TAFA1: variants seen among roughly 807,000 people sequenced by gnomAD.
TAFA1 encodes TAFA chemokine like family member 1, also known as chemokine-like protein TAFA-1.
In TAFA1, 4 loss-of-function variants were observed where a neutral mutation model predicts 18.5. The observed-to-expected ratio is 0.22, with a 90% CI of 0.11 to 0.49. The LOEUF is 0.49. TAFA1 is among the 20% of genes least tolerant of loss of function. The probability of loss-of-function intolerance (pLI) is 0.98; values close to 1 mark genes in which losing one functional copy is unlikely to be tolerated. For synonymous variants in TAFA1, 56 were observed against 55.2 expected, an observed-to-expected ratio of 1.01 and a Z score of -0.06; for missense variants, 147 against 169.0, an observed-to-expected ratio of 0.87 and a Z score of 0.72.
intron 3 of TAFA1, among the ~76,000 whole-genome samples, chr3:68,538,471 G>T (rs551690840): frequency 6.6e-6 from 1 of 152,292 alleles, no homozygotes; most frequent in East Asian, 1.9e-4. Flanking sequence ...AAGCAAGATG[G>T]AGTCAGCTAT....
chr3:68,159,285 C>T (rs1425972693), intron 2 of TAFA1, among the ~76,000 whole-genome samples: 1 of 152,032 alleles, frequency 6.6e-6, no homozygotes, highest in African/African-American at 2.4e-5. Context: ...ATGCAAAATG[C>T]CTGAGTTGTT....
chr3:68,430,054 T>A (rs969795990), intron 3 of TAFA1, among the ~76,000 whole-genome samples: 6 of 151,958 alleles, frequency 3.9e-5, no homozygotes, highest in African/African-American at 1.4e-4. Flanking sequence ...AGCCCCTTGC[T>A]GTCATGGAAC....
At chr3:68,018,007 A>G (rs1704603896) in intron 2 of TAFA1, among the ~76,000 whole-genome samples, 1 of 152,236 alleles carries the variant, frequency 6.6e-6, no homozygotes, top group Non-Finnish European at 1.5e-5. Context: ...ACACAAAGGA[A>G]CAGAACAAGT....
At chr3:68,135,223 A>G (rs1478630919) in intron 2 of TAFA1, among the ~76,000 whole-genome samples, 2 of 152,160 alleles carry the variant, frequency 1.3e-5, no homozygotes, top group Non-Finnish European at 2.9e-5. Flanking sequence ...CAGTTTTTTA[A>G]CTGGGCACAT....
intron 2 of TAFA1, among the ~76,000 whole-genome samples, chr3:68,210,135 T>C (rs2066577853): frequency 6.6e-6 from 1 of 152,028 alleles, no homozygotes; most frequent in African/African-American, 2.4e-5. Context: ...GGTTTTTCTA[T>C]TGTTTAACAC....
At chr3:68,037,269 G>A (rs1302181178) in intron 2 of TAFA1, among the ~76,000 whole-genome samples, 5 of 152,244 alleles carry the variant, frequency 3.3e-5, no homozygotes, top group Non-Finnish European at 7.4e-5. Flanking sequence ...AACTGCAGGT[G>A]GGTGACCTAT....
In TAFA1 at chr3:68,392,561, C is replaced by A. The variant is rs937583204; in HGVS notation, c.119-24719C>A. Among the ~76,000 whole-genome samples the A allele has an allele frequency of 3.9e-5, 6 of 152,142 alleles. No individual in the cohort carries two copies. In the East Asian group the frequency reaches 9.6e-4, roughly 24 times the overall value. On this transcript the variant is annotated intron_variant, in intron 2 of 4. Coordinates refer to ENST00000478136, the MANE Select transcript of TAFA1 (RefSeq NM_213609.4). The stretch of plus-strand genomic sequence containing the variant: ...ATCTCAAATCAACAGAATATACGTT[C>A]TTCTCAGCACCGTATCGCACTTATT...
At chr3:68,349,515 A>G (rs564670645) in intron 2 of TAFA1, among the ~76,000 whole-genome samples, 1 of 152,060 alleles carries the variant, frequency 6.6e-6, no homozygotes, top group Non-Finnish European at 1.5e-5. Context: ...TGTGTGTTTT[A>G]TTTGGGCATA....
intron 2 of TAFA1, among the ~76,000 whole-genome samples, chr3:68,062,997 AGACAGGTAAC>A (rs2064625033): frequency 1.3e-5 from 2 of 152,222 alleles, no homozygotes; most frequent in African/African-American, 4.8e-5. Flanking sequence ...CACAGGGGCC[AGACAGGTAAC>A]CTAAAAAGAA....
intron 2 of TAFA1, among the ~76,000 whole-genome samples, chr3:68,293,812 G>A (rs1448800814): frequency 6.6e-6 from 1 of 152,180 alleles, no homozygotes; most frequent in Admixed American, 6.5e-5. Flanking sequence ...GAACTGTGGT[G>A]AGAAAGGCCC....
chr3:68,241,676 A>G (rs1319689649), intron 2 of TAFA1, among the ~76,000 whole-genome samples: 4 of 152,144 alleles, frequency 2.6e-5, no homozygotes, highest in South Asian at 4.1e-4. Context: ...CTTAAGACAA[A>G]TGACCCAGCT....
chr3:68,544,574 A>C lies in TAFA1; in HGVS notation c.*71A>C. The stretch of plus-strand genomic sequence containing the variant: ...ACATTTTGAGAATCTCAAACATCTC[A>C]CATATATACAAGCCAAATGGATTTC... On this transcript the variant is annotated 3_prime_UTR_variant, in exon 5 of 5. Transcript: ENST00000478136. 3 of 1,482,184 alleles carry C rather than the reference A, an allele frequency of 2.0e-6. No individual in the cohort carries two copies. Among genetic ancestry groups the C allele is most frequent in the Non-Finnish European group, 2.8e-6 (3 of 1,064,952 alleles). The allele number at this position is 1,482,184 out of a possible 1,614,324, so 91.8% of individuals were successfully genotyped here. A position where few individuals can be genotyped will look rare whatever the true frequency, so the allele number is the denominator to read the frequency against.
intron 2 of TAFA1, among the ~76,000 whole-genome samples, chr3:68,017,916 C>G (rs1192044880): frequency 6.6e-6 from 1 of 152,106 alleles, no homozygotes; most frequent in Non-Finnish European, 1.5e-5. Flanking sequence ...TTGGGAAGCC[C>G]TCATGAAGGA....
At chr3:68,088,886 C>T (rs1011561138) in intron 2 of TAFA1, among the ~76,000 whole-genome samples, 3 of 152,158 alleles carry the variant, frequency 2.0e-5, no homozygotes, top group African/African-American at 4.8e-5. Context: ...GAAACGGCCA[C>T]ATTCTGGCTC....
intron 3 of TAFA1, among the ~76,000 whole-genome samples, chr3:68,493,690 A>T (rs570785433): frequency 2.6e-5 from 4 of 152,370 alleles, no homozygotes; most frequent in Non-Finnish European, 4.4e-5. Flanking sequence ...GTAAGAGGAA[A>T]TTTGGTTTTT....
chr3:68,198,467 G>A (rs963564007), intron 2 of TAFA1, among the ~76,000 whole-genome samples: 4 of 151,638 alleles, frequency 2.6e-5, no homozygotes, highest in African/African-American at 9.7e-5. Flanking sequence ...AAAAGTGTCT[G>A]TAATATTTTG....
intron 2 of TAFA1, among the ~76,000 whole-genome samples, chr3:68,142,325 T>A (rs1405559770): frequency 6.6e-6 from 1 of 152,224 alleles, no homozygotes; most frequent in African/African-American, 2.4e-5. Flanking sequence ...CTGGTATAAC[T>A]AGGATTCAAA....
At chr3:68,532,852 T>C (rs1283405512) in intron 3 of TAFA1, among the ~76,000 whole-genome samples, 2 of 150,460 alleles carry the variant, frequency 1.3e-5, no homozygotes, top group African/African-American at 2.4e-5. Context: ...GAAAAAATTA[T>C]GTTTAGAGAA....
intron 3 of TAFA1, among the ~76,000 whole-genome samples, chr3:68,457,218 A>G (rs892466876): frequency 6.6e-6 from 1 of 152,210 alleles, no homozygotes; most frequent in Admixed American, 6.5e-5. Context: ...TTAATAGTGC[A>G]TGTTTATCTT....
Sources: allele counts gnomAD v4.1 joint callset (sites outside exome capture counted in the v4.1 genomes callset), GRCh38; gene constraint gnomAD v4.1.1; transcripts MANE v1.5; gene names NCBI Gene and HGNC (gene_info 2026-07-23, HGNC 2026-07-21).